C10orf67: variants seen among roughly 807,000 people sequenced by gnomAD.
C10orf67 encodes uncharacterized protein C10orf67, mitochondrial.
A neutral mutation model predicts 35.6 loss-of-function variants in C10orf67; 60 were observed. That is an observed-to-expected ratio of 1.68 (90% CI 1.37 to 2.09). The LOEUF is 2.09. Ranked by LOEUF, C10orf67 falls within the 30% of genes most tolerant of loss-of-function variation. The pLI is 0.00. For missense variants in C10orf67, 474 were observed against 330.2 expected (o/e 1.44, Z -3.38); for synonymous variants, 167 against 115.8 (o/e 1.44, Z -2.84).
At position 23,239,770 on chromosome 10, in the gene C10orf67, G is replaced by A. The variant is rs111911206; in HGVS notation, c.1393C>T (p.Arg465Cys). The change falls in exon 13 of 16, where the codon CGT becomes TGT. Residue 465 changes from arginine to cysteine, a missense_variant. By Grantham distance (180) the Arg-to-Cys change is radical. Coordinates refer to ENST00000636213, the MANE Select transcript of C10orf67 (RefSeq NM_001371909.1). ...NEMFTRHTLF[R>C]QFAVLADTSF... is the part of the protein sequence containing the mutation. ...GTGTCAGCAAGCACTGCAAACTGAC[G>A]AAACAGTGTGTGCCTTGTAAACATC... 3.4e-3 allele frequency: 2,209 copies of A among 653,510 alleles called. 9 individuals carry two copies. Among genetic ancestry groups the A allele is most frequent in the Non-Finnish European group, 5.5e-3 (1,865 of 338,740 alleles). The allele number at this position is 653,510 out of a possible 1,614,324, so 40.5% of individuals were successfully genotyped here.
At chr10:23,288,549 G>T (rs1843614321) in intron 7 of C10orf67, among the ~76,000 whole-genome samples, 1 of 152,126 alleles carries the variant, frequency 6.6e-6, no homozygotes, top group Admixed American at 6.6e-5. Flanking sequence ...ATATACCTAT[G>T]TAACAAACCT....
intron 12 of C10orf67, among the ~76,000 whole-genome samples, chr10:23,241,930 G>T (rs535171198): frequency 1.3e-4 from 20 of 151,650 alleles, no homozygotes; most frequent in Non-Finnish European, 2.9e-4. Context: ...CAGCTGACTT[G>T]TCAACAGCAA....
chr10:23,287,893 G>C (rs989339149), intron 7 of C10orf67, among the ~76,000 whole-genome samples: 8 of 152,174 alleles, frequency 5.3e-5, no homozygotes, highest in South Asian at 2.1e-4. Context: ...GATCATCAGA[G>C]AAATGCAAAT....
chr10:23,226,539 C>A (rs1056273080), intron 13 of C10orf67, among the ~76,000 whole-genome samples: 1 of 151,960 alleles, frequency 6.6e-6, no homozygotes, highest in Non-Finnish European at 1.5e-5. Context: ...ACTAGAGAAA[C>A]AAGAGCAAAT....
chr10:23,206,033 C>A (rs1292215042), intron 15 of C10orf67, among the ~76,000 whole-genome samples: 2 of 152,230 alleles, frequency 1.3e-5, no homozygotes, highest in Admixed American at 1.3e-4. Context: ...CATCCCCAAT[C>A]ATTTTTTATA....
intron 8 of C10orf67, among the ~76,000 whole-genome samples, chr10:23,276,357 A>G (rs1402228985): frequency 6.6e-6 from 1 of 152,122 alleles, no homozygotes; most frequent in African/African-American, 2.4e-5. Context: ...CAGGACTCCT[A>G]TTCATACAGA....
intron 4 of C10orf67, among the ~76,000 whole-genome samples, chr10:23,305,487 A>C (rs1844240605): frequency 6.6e-6 from 1 of 152,206 alleles, no homozygotes; most frequent in Non-Finnish European, 1.5e-5. Flanking sequence ...ATTTTTTTAA[A>C]AAGAAAAGAT....
At chr10:23,241,964 T>TA (rs1483578285) in intron 12 of C10orf67, among the ~76,000 whole-genome samples, 1 of 37,990 alleles carries the variant, frequency 2.6e-5, no homozygotes, top group Admixed American at 2.8e-4. Context: ...AGAACTGACA[T>TA]TTTTTTTTTT....
chr10:23,323,907 A>G (rs1221150625), intron 2 of C10orf67, among the ~76,000 whole-genome samples: 27 of 16,020 alleles, frequency 1.7e-3, no homozygotes, highest in Non-Finnish European at 2.6e-3. Flanking sequence ...ATATATATAT[A>G]TATATATATA....
At chr10:23,228,770 T>C (rs1336105687) in intron 13 of C10orf67, among the ~76,000 whole-genome samples, 3 of 151,758 alleles carry the variant, frequency 2.0e-5, no homozygotes, top group Non-Finnish European at 4.4e-5. Flanking sequence ...AAAAAGTGGG[T>C]GAAGGATATG....
At chr10:23,248,666 T>A (rs1401956196) in intron 12 of C10orf67, among the ~76,000 whole-genome samples, 2 of 152,128 alleles carry the variant, frequency 1.3e-5, no homozygotes, top group African/African-American at 4.8e-5. Flanking sequence ...ACACAATTAA[T>A]CTCCATATCA....
chr10:23,330,296 A>G (rs190895603), intron 2 of C10orf67, among the ~76,000 whole-genome samples: 168 of 152,084 alleles, frequency 1.1e-3, no homozygotes, highest in African/African-American at 3.6e-3. Context: ...TGTCTCTACA[A>G]AAAAATAGAA....
At chr10:23,210,227 A>G (rs1841268837) in intron 15 of C10orf67, among the ~76,000 whole-genome samples, 1 of 152,148 alleles carries the variant, frequency 6.6e-6, no homozygotes, top group African/African-American at 2.4e-5. Flanking sequence ...GCAGGTTCAC[A>G]TCAAAAGGAA....
intron 5 of C10orf67, among the ~76,000 whole-genome samples, chr10:23,294,238 C>A (rs1385916556): frequency 6.6e-6 from 1 of 152,080 alleles, no homozygotes; most frequent in African/African-American, 2.4e-5. Context: ...GAGCTGTCAG[C>A]AACAAGCAGA....
intron 12 of C10orf67, among the ~76,000 whole-genome samples, chr10:23,245,961 TCA>T (rs1449403558): frequency 2.0e-5 from 3 of 149,048 alleles, no homozygotes; most frequent in Admixed American, 1.4e-4. Flanking sequence ...TAGATGCCCA[TCA>T]ATGGTAAACT....
rs575906341 is a variant in C10orf67, at chr10:23,227,425, A to T, written c.1435-3607T>A. Reference sequence around the variant, plus strand: ...AAAACTCTCAATAAATTAGGTATTGATGGGACATATCTCAAAATAATAAGA... The same window carrying T: ...AAAACTCTCAATAAATTAGGTATTGTTGGGACATATCTCAAAATAATAAGA... On this transcript the variant is annotated intron_variant, in intron 13 of 15. Transcript: ENST00000636213. 2.0e-4 allele frequency among the ~76,000 whole-genome samples: 31 copies of T among 152,346 alleles called. No individual in the cohort carries two copies. In the South Asian group the frequency reaches 6.4e-3, roughly 32 times the overall value.
chr10:23,309,524 AC>A (rs772154328), intron 4 of C10orf67, among the ~76,000 whole-genome samples: 19 of 152,184 alleles, frequency 1.2e-4, no homozygotes, highest in Non-Finnish European at 1.9e-4. Context: ...ATGCACATAT[AC>A]CCTCTGAATC....
At chr10:23,272,466 G>A (rs1174440570) in intron 8 of C10orf67, among the ~76,000 whole-genome samples, 3 of 152,136 alleles carry the variant, frequency 2.0e-5, no homozygotes, top group East Asian at 1.9e-4. Flanking sequence ...CTTGAATTGC[G>A]TTTGCATCTT....
chr10:23,244,040 T>C (rs1206670610), intron 12 of C10orf67, among the ~76,000 whole-genome samples: 2 of 152,094 alleles, frequency 1.3e-5, no homozygotes, highest in East Asian at 3.9e-4. Flanking sequence ...CACAGGTGCA[T>C]GCCACGACAC....
Sources: allele counts gnomAD v4.1 joint callset (sites outside exome capture counted in the v4.1 genomes callset), GRCh38; gene constraint gnomAD v4.1.1; transcripts MANE v1.5; gene names NCBI Gene and HGNC (gene_info 2026-07-23, HGNC 2026-07-21).